PALD1: variants seen among roughly 807,000 people sequenced by gnomAD.
PALD1 encodes the protein phosphatase domain containing paladin 1.
A neutral mutation model predicts 96.0 loss-of-function variants in PALD1; 57 were observed. The ratio of observed to expected loss-of-function variants is 0.59; its 90% confidence interval spans 0.48 to 0.74. The LOEUF (loss-of-function observed/expected upper bound fraction) is 0.74, where lower values mean the gene tolerates loss of function less well. Among genes scored for constraint, PALD1 ranks in the 30% least tolerant of loss-of-function variants. The pLI is 0.00. For synonymous variants in PALD1, 464 were observed against 473.6 expected, an observed-to-expected ratio of 0.98 and a Z score of 0.26; for missense variants, 1,063 against 1,143.7, an observed-to-expected ratio of 0.93 and a Z score of 1.02.
intron 18 of PALD1, among the ~76,000 whole-genome samples, chr10:70,559,785 T>C (rs1274408494): frequency 6.6e-6 from 1 of 152,086 alleles, no homozygotes; most frequent in Non-Finnish European, 1.5e-5. Flanking sequence ...CACTGGGACA[T>C]GCTTTGTGGG....
rs1302069819 is a variant in PALD1, at chr10:70,540,354, G to T, written c.1908+592G>T. Among the ~76,000 whole-genome samples the T allele has an allele frequency of 7.9e-5, 12 of 151,872 alleles. No individual in the cohort carries two copies. The highest frequency in any genetic ancestry group is 1.5e-5 in the Non-Finnish European group (1 of 67,954). ...CCCTTGTCTGTATTGGGGGCTGTGT[G>T]TGGAAAACCATCTTTAGGGGAGTGG... is the stretch of plus-strand genomic sequence containing the variant. On this transcript the variant is annotated intron_variant, in intron 15 of 19. Coordinates refer to ENST00000263563, the MANE Select transcript of PALD1 (RefSeq NM_014431.3). The surrounding 1 kb of genome is among the most constrained non-coding windows in gnomAD (Gnocchi z 4.2).
chr10:70,533,875 A>C (rs903061647), intron 7 of PALD1, 47 bp from the exon 8 acceptor site: 4 of 1,497,030 alleles, frequency 2.7e-6, no homozygotes, highest in Admixed American at 4.4e-5. Context: ...GCCTCAGCCC[A>C]GGGTTTCCTG....
intron 18 of PALD1, among the ~76,000 whole-genome samples, chr10:70,559,372 G>C (rs935975900): frequency 7.9e-5 from 12 of 152,186 alleles, no homozygotes; most frequent in Admixed American, 3.3e-4. Flanking sequence ...ATGGGGACAG[G>C]AGGCAGACTG....
At chr10:70,566,379 G>A (rs960755845) in intron 19 of PALD1, among the ~76,000 whole-genome samples, 1 of 152,206 alleles carries the variant, frequency 6.6e-6, no homozygotes, top group African/African-American at 2.4e-5. Context: ...TATGTGTAGA[G>A]TCCTCCTTGA....
intron 1 of PALD1, among the ~76,000 whole-genome samples, chr10:70,522,563 C>T (rs1846760022): frequency 6.6e-6 from 1 of 152,212 alleles, no homozygotes; most frequent in African/African-American, 2.4e-5. Context: ...GCTCCGTGGG[C>T]ACTGCCTCAC....
At position 70,539,532 on chromosome 10, in the gene PALD1, C is replaced by G. The variant is rs776752868; in HGVS notation, c.1726-48C>G. 1 of 1,516,638 alleles carries G rather than the reference C, an allele frequency of 6.6e-7. No homozygotes were observed. The highest frequency in any genetic ancestry group is 2.0e-5 in the Admixed American group (1 of 49,236). The allele number at this position is 1,516,638 out of a possible 1,614,324, so 93.9% of individuals were successfully genotyped here. A position where few individuals can be genotyped will look rare whatever the true frequency, so the allele number is the denominator to read the frequency against. Reference sequence around the variant, plus strand: ...CAGGCTGTGGCCTTTCAGGGCTAGCCTAGAGCCTGCCCCAGTGGCCTGTGT... The same window carrying G: ...CAGGCTGTGGCCTTTCAGGGCTAGCGTAGAGCCTGCCCCAGTGGCCTGTGT... On this transcript the variant is annotated intron_variant, in intron 14 of 19. Transcript: ENST00000263563. The surrounding 1 kb of genome is among the most constrained non-coding windows in gnomAD (Gnocchi z 4.5).
intron 1 of PALD1, among the ~76,000 whole-genome samples, chr10:70,516,560 G>GT (rs1785651501): frequency 6.6e-6 from 1 of 151,780 alleles, no homozygotes; most frequent in Non-Finnish European, 1.5e-5. Flanking sequence ...TTGGTTCTTA[G>GT]TTTTTTATTT....
chr10:70,529,196 A>G lies in PALD1; in HGVS notation c.186-33A>G, dbSNP rs752601794. 3.9e-5 allele frequency: 22 copies of G among 569,574 alleles called. No homozygotes were observed. The Admixed American group carries it at 5.0e-4, about 13-fold the overall frequency. The allele number at this position is 569,574 out of a possible 1,614,324, so 35.3% of individuals were successfully genotyped here. ...CTTGACCAAGGAGGTTGCTTGACTC[A>G]GTTTCCATTCTGCCCCCCCCCCCCC... On this transcript the variant is annotated intron_variant, in intron 2 of 19. Transcript: ENST00000263563.
intron 1 of PALD1, among the ~76,000 whole-genome samples, chr10:70,519,936 A>G (rs1047524379): frequency 2.6e-5 from 4 of 152,116 alleles, no homozygotes; most frequent in Non-Finnish European, 4.4e-5. Flanking sequence ...CAACAGCTAG[A>G]TGAACTTCAG....
chr10:70,478,138 T>C (rs774039043), upstream of PALD1, among the ~76,000 whole-genome samples: 3 of 152,098 alleles, frequency 2.0e-5, no homozygotes, highest in Non-Finnish European at 4.4e-5. Context: ...TCTGCTCTGC[T>C]GTTCCCCTCT....
the PALD1 span, among the ~76,000 whole-genome samples, chr10:70,461,525 G>C: frequency 6.6e-6 from 1 of 152,214 alleles, no homozygotes; most frequent in African/African-American, 2.4e-5. Flanking sequence ...GTGAAGGAAA[G>C]GTGTGGAGGC....
chr10:70,476,942 T>A (rs1845832640), upstream of PALD1, among the ~76,000 whole-genome samples: 1 of 152,112 alleles, frequency 6.6e-6, no homozygotes, highest in Non-Finnish European at 1.5e-5. Context: ...TGTTTCTGTA[T>A]GTATATATGT....
In PALD1 at chr10:70,564,498, C is replaced by T. The variant is rs1192455613; in HGVS notation, c.2397C>T (p.Pro799=). ...HLEKADSWQR[P]FSTWMQEVAS... is the part of the protein sequence containing the mutation. ...AGAAGGCCGACTCCTGGCAGAGGCC[C>T]TTCAGCACCTGGATGCAGGAGGTGA... Residue 799 remains proline (P), a synonymous_variant, in exon 19 of 20, where the codon CCC becomes CCT. Coordinates refer to ENST00000263563, the MANE Select transcript of PALD1 (RefSeq NM_014431.3). 1.2e-6 allele frequency: 2 copies of T among 1,613,852 alleles called. No individual in the cohort carries two copies. Among genetic ancestry groups the T allele is most frequent in the Non-Finnish European group, 8.5e-7 (1 of 1,180,000 alleles).
chr10:70,491,917 A>G (rs989286285), intron 1 of PALD1, among the ~76,000 whole-genome samples: 1 of 152,214 alleles, frequency 6.6e-6, no homozygotes, highest in African/African-American at 2.4e-5. Flanking sequence ...AGCAAATATC[A>G]GTACTCCATT....
At chr10:70,543,450 C>G (rs1331025550) in intron 17 of PALD1, among the ~76,000 whole-genome samples, 1 of 152,128 alleles carries the variant, frequency 6.6e-6, no homozygotes, top group African/African-American at 2.4e-5. Context: ...GAAATCATTG[C>G]CAACTCCAAT....
At chr10:70,487,130 AT>A (rs10669002) in intron 1 of PALD1, among the ~76,000 whole-genome samples, 28 of 110,394 alleles carry the variant, frequency 2.5e-4, no homozygotes, top group African/African-American at 7.0e-4. Flanking sequence ...TCTGAGCCCA[AT>A]TTTTTTTTTT....
At chr10:70,520,691 T>C (rs868120951) in intron 1 of PALD1, among the ~76,000 whole-genome samples, 18,067 of 133,322 alleles carry the variant, frequency 0.14, 1,142 homozygotes, top group East Asian at 0.2. Context: ...CTTTCTTTTT[T>C]TTTTTTTTTT....
At chr10:70,481,213 G>A (rs770519487) in intron 1 of PALD1, among the ~76,000 whole-genome samples, 6 of 152,212 alleles carry the variant, frequency 3.9e-5, no homozygotes, top group Non-Finnish European at 5.9e-5. Context: ...CTCCTGGGGG[G>A]CACAGACACA....
intron 4 of PALD1, 49 bp from the exon 5 acceptor site, chr10:70,531,241 C>T (rs921521562): frequency 6.5e-7 from 1 of 1,538,880 alleles, no homozygotes. Context: ...GTGCAGGTGT[C>T]TGTGCGGGAT....
Sources: gnomAD v4.1 joint callset for allele counts (sites outside exome capture counted in the v4.1 genomes callset) on GRCh38, gnomAD v4.1.1 for gene constraint, Gnocchi (gnomAD v3.1) non-coding constraint, MANE v1.5 for transcripts, NCBI Gene and HGNC (gene_info 2026-07-23, HGNC 2026-07-21) for gene names.